The following CSMD3 variants were observed in gnomAD, a reference collection of about 807,000 sequenced individuals.
CSMD3 encodes CUB and Sushi multiple domains 3.
Under a neutral mutation model 435.2 loss-of-function variants are expected in CSMD3, and 177 were observed. The ratio of observed to expected loss-of-function variants is 0.41; its 90% CI spans 0.36 to 0.46. CSMD3 has a LOEUF of 0.46. Ranked by LOEUF, CSMD3 falls within the 20% of genes least tolerant of loss-of-function variation. The pLI is 0.34. For missense variants in CSMD3, 4,265 were observed against 4,504.6 expected, an observed-to-expected ratio of 0.95 and a Z score of 1.52; for synonymous variants, 1,656 against 1,520.5, an observed-to-expected ratio of 1.09 and a Z score of -2.07.
intron 22 of CSMD3, 101 bp downstream of exon 22, chr8:112,636,716 A>G (rs2074670307): frequency 9.8e-7 from 1 of 1,020,352 alleles, no homozygotes; most frequent in Non-Finnish European, 1.5e-6. Context: ...TGTGAAATAA[A>G]TGCAGAAATT....
chr8:112,556,941 T>A lies in CSMD3; in HGVS notation c.4056A>T (p.Ser1352=), dbSNP rs760713871. 1 of 1,610,846 alleles carries A rather than the reference T, an allele frequency of 6.2e-7. No homozygotes were observed. Among genetic ancestry groups the A allele is most frequent in the Non-Finnish European group, 8.5e-7 (1 of 1,177,690 alleles). The change falls in exon 25 of 71, where the codon TCA becomes TCT. Residue 1352 remains serine (S), a synonymous_variant. Transcript: ENST00000297405. The part of the protein sequence containing the change: ...FQLVYTSFEL[S]HCEDPGIPQF... ...GTGGAATGCCAGGATCTTCACAGTG[T>A]GAGAGTTCAAAACCTGGGACAAAAA...
At chr8:112,862,267 A>G (rs2080847188) in intron 10 of CSMD3, among the ~76,000 whole-genome samples, 1 of 151,918 alleles carries the variant, frequency 6.6e-6, no homozygotes, top group Non-Finnish European at 1.5e-5. Context: ...GTTTTTGCAT[A>G]TTTCTTGTTT....
chr8:112,788,649 T>C (rs1475618055), intron 13 of CSMD3, among the ~76,000 whole-genome samples: 2 of 152,266 alleles, frequency 1.3e-5, no homozygotes, highest in Non-Finnish European at 2.9e-5. Context: ...TATTTTACAA[T>C]GTACCCTATC....
intron 22 of CSMD3, among the ~76,000 whole-genome samples, chr8:112,590,639 T>C (rs944958806): frequency 1.3e-5 from 2 of 152,104 alleles, no homozygotes; most frequent in East Asian, 1.9e-4. Flanking sequence ...GTTCTTGTGA[T>C]GGGGAAATAC....
chr8:113,107,165 A>C (rs2090503405), intron 4 of CSMD3, among the ~76,000 whole-genome samples: 1 of 152,216 alleles, frequency 6.6e-6, no homozygotes, highest in African/African-American at 2.4e-5. Flanking sequence ...AGCATCATGC[A>C]AGTCGCATCA....
intron 3 of CSMD3, among the ~76,000 whole-genome samples, chr8:113,189,163 C>T (rs150423513): frequency 6.6e-6 from 1 of 151,486 alleles, no homozygotes; most frequent in Non-Finnish European, 1.5e-5. Flanking sequence ...TGTATTTTAC[C>T]TTTTTAAGCA....
intron 22 of CSMD3, among the ~76,000 whole-genome samples, chr8:112,607,262 A>C (rs1832871385): frequency 6.6e-6 from 1 of 151,926 alleles, no homozygotes; most frequent in Non-Finnish European, 1.5e-5. Flanking sequence ...ATTCCAAGAA[A>C]AACATGACTT....
At chr8:112,656,097 A>C in intron 18 of CSMD3, 57 bp downstream of exon 18, 1 of 930,212 alleles carries the variant, frequency 1.1e-6, no homozygotes, top group Non-Finnish European at 1.8e-6. Context: ...AAACTATAAT[A>C]ATACAAAAAG....
At chr8:113,245,311 T>C (rs2093264340) in intron 3 of CSMD3, among the ~76,000 whole-genome samples, 1 of 152,084 alleles carries the variant, frequency 6.6e-6, no homozygotes, top group South Asian at 2.1e-4. Flanking sequence ...TATATCTTTA[T>C]ATGTTTTAAA....
chr8:113,427,000 G>A (rs1029408038), intron 1 of CSMD3, among the ~76,000 whole-genome samples: 1 of 151,122 alleles, frequency 6.6e-6, no homozygotes, highest in Non-Finnish European at 1.5e-5. Flanking sequence ...TATATCCTAT[G>A]ACTAATACAA....
chr8:112,403,419 G>A (rs2129955413), intron 35 of CSMD3, among the ~76,000 whole-genome samples: 2 of 152,134 alleles, frequency 1.3e-5, no homozygotes, highest in African/African-American at 2.4e-5. Context: ...GCATGGAATC[G>A]GGCTCTTTTA....
At chr8:113,426,133 G>T (rs1299884477) in intron 1 of CSMD3, among the ~76,000 whole-genome samples, 1 of 151,180 alleles carries the variant, frequency 6.6e-6, no homozygotes, top group Non-Finnish European at 1.5e-5. Context: ...CCCTTATCTT[G>T]CATATGCAGC....
chr8:112,673,048 G>C (rs561250638), intron 16 of CSMD3, among the ~76,000 whole-genome samples: 3 of 152,148 alleles, frequency 2.0e-5, no homozygotes, highest in Non-Finnish European at 4.4e-5. Flanking sequence ...TTTGCCATAG[G>C]TGAATTAAAG....
At chr8:113,290,406 T>G (rs1588450739) in intron 2 of CSMD3, among the ~76,000 whole-genome samples, 1 of 151,768 alleles carries the variant, frequency 6.6e-6, no homozygotes, top group East Asian at 1.9e-4. Flanking sequence ...AATATTTTAT[T>G]TACAAAGCTA....
At chr8:112,902,363 G>T (rs775818640) in intron 10 of CSMD3, among the ~76,000 whole-genome samples, 22 of 151,338 alleles carry the variant, frequency 1.5e-4, no homozygotes, top group African/African-American at 4.3e-4. Context: ...GTTCAAGGCC[G>T]TGCTTGTCAA....
chr8:113,388,538 A>T (rs986713455), intron 1 of CSMD3, among the ~76,000 whole-genome samples: 2 of 151,572 alleles, frequency 1.3e-5, no homozygotes, highest in African/African-American at 2.4e-5. Flanking sequence ...TTTAATTTTT[A>T]AAAAATTTTT....
intron 9 of CSMD3, among the ~76,000 whole-genome samples, chr8:112,931,352 ACT>A (rs1453508915): frequency 6.6e-6 from 1 of 152,046 alleles, no homozygotes; most frequent in East Asian, 1.9e-4. Flanking sequence ...CCTTTCCAAC[ACT>A]CTCTTCAATA....
chr8:112,618,808 T>C (rs1368083359), intron 22 of CSMD3, among the ~76,000 whole-genome samples: 1 of 152,152 alleles, frequency 6.6e-6, no homozygotes, highest in Non-Finnish European at 1.5e-5. Context: ...TGCCTGAATA[T>C]ATTATAAAAT....
chr8:112,391,101 C>A (rs180692621), intron 35 of CSMD3, among the ~76,000 whole-genome samples: 1 of 152,182 alleles, frequency 6.6e-6, no homozygotes, highest in East Asian at 1.9e-4. Flanking sequence ...AAAAATAGTT[C>A]ATTTTTAGAT....
Sources: allele counts gnomAD v4.1 joint callset (sites outside exome capture counted in the v4.1 genomes callset), GRCh38; gene constraint gnomAD v4.1.1; transcripts MANE v1.5; gene names NCBI Gene and HGNC (gene_info 2026-07-23, HGNC 2026-07-21).